Variants in MED27 observed in about 807,000 individuals in gnomAD.
The protein encoded by MED27 is mediator of RNA polymerase II transcription subunit 27.
A neutral mutation model predicts 38.2 loss-of-function variants in MED27; 30 were observed. The ratio of observed to expected loss-of-function variants is 0.79; its 90% CI spans 0.59 to 1.07. The LOEUF is 1.07. MED27 is among the 50% of genes least tolerant of loss of function. The pLI, the probability that MED27 is intolerant of heterozygous loss-of-function variation, is 0.00. For synonymous variants in MED27, 122 were observed against 153.5 expected (o/e 0.79, Z 1.52); for missense variants, 289 against 397.5 (o/e 0.73, Z 2.32).
At chr9:131,998,572 G>T (rs1307385107) in intron 3 of MED27, among the ~76,000 whole-genome samples, 2 of 152,168 alleles carry the variant, frequency 1.3e-5, no homozygotes, top group Non-Finnish European at 2.9e-5. Context: ...TTCCTTAGGG[G>T]TGACGGAAAT....
chr9:132,047,441 G>GACACACACAC lies in MED27; in HGVS notation c.348+29991_348+30000dup, dbSNP rs56144736. On this transcript the variant is annotated intron_variant, in intron 2 of 7. Coordinates refer to ENST00000292035, the MANE Select transcript of MED27 (RefSeq NM_004269.4). Reference sequence around the variant, plus strand: ...AAATGCTTCATTTCATAATGTTTTAGACACACACACACACACACACACACA... The same window carrying GACACACACAC: ...AAATGCTTCATTTCATAATGTTTTAGACACACACACACACACACACACACACACACACACA... Among the ~76,000 whole-genome samples, 1,258 of 145,248 alleles carry GACACACACAC rather than the reference G, an allele frequency of 8.7e-3. 10 individuals carry two copies. Among genetic ancestry groups the GACACACACAC allele is most frequent in the African/African-American group, 0.023 (913 of 39,218 alleles).
At position 131,872,354 on chromosome 9, in the gene MED27, G is replaced by A. The variant is rs1838851902; in HGVS notation, c.724-9214C>T. Reference sequence around the variant, plus strand: ...CACAGCCCCCGAGGCCAAGCTAGAAGAGCGGGCGCCTCTACTATTCGGAGT... The same window carrying A: ...CACAGCCCCCGAGGCCAAGCTAGAAAAGCGGGCGCCTCTACTATTCGGAGT... On this transcript the variant is annotated intron_variant, in intron 6 of 7. Transcript: ENST00000292035. The surrounding 1 kb of genome is among the most constrained non-coding windows in gnomAD (Gnocchi z 5.6). Among the ~76,000 whole-genome samples, 1 of 152,256 alleles carries A rather than the reference G, an allele frequency of 6.6e-6. No individual in the cohort carries two copies. Among genetic ancestry groups the A allele is most frequent in the Non-Finnish European group, 1.5e-5 (1 of 68,054 alleles).
At chr9:132,026,759 A>G (rs1832830399) in intron 2 of MED27, among the ~76,000 whole-genome samples, 1 of 152,228 alleles carries the variant, frequency 6.6e-6, no homozygotes, top group Admixed American at 6.5e-5. Flanking sequence ...TGTCCAGAAC[A>G]GTGCTTGGCC....
chr9:131,873,135 G>C (rs147361708), intron 6 of MED27, among the ~76,000 whole-genome samples: 156 of 152,328 alleles, frequency 1.0e-3, no homozygotes, highest in African/African-American at 3.6e-3. Context: ...AGACCCACCA[G>C]TAAGGAGAGG....
intron 2 of MED27, among the ~76,000 whole-genome samples, chr9:132,069,505 T>G (rs1833885926): frequency 6.6e-6 from 1 of 152,248 alleles, no homozygotes; most frequent in Non-Finnish European, 1.5e-5. Context: ...AAGAGGCGAA[T>G]GCTGTCTGCA....
At chr9:131,909,445 C>T (rs891242255) in intron 4 of MED27, among the ~76,000 whole-genome samples, 8 of 152,216 alleles carry the variant, frequency 5.3e-5, no homozygotes, top group Admixed American at 5.2e-4. Context: ...CTCAAGGGGG[C>T]TCTTCCCCAA....
At chr9:131,895,672 G>C (rs548819795) in intron 4 of MED27, among the ~76,000 whole-genome samples, 108 of 152,252 alleles carry the variant, frequency 7.1e-4, no homozygotes, top group Middle Eastern at 3.4e-3. Context: ...GCTAATAAAG[G>C]CATCCTATTT....
At chr9:131,909,121 G>A (rs559308200) in intron 4 of MED27, among the ~76,000 whole-genome samples, 69 of 152,204 alleles carry the variant, frequency 4.5e-4, no homozygotes, top group African/African-American at 1.5e-3. Context: ...GGGAAACTAC[G>A]TAAGGAAGCC....
At chr9:132,053,338 A>G (rs917322586) in intron 2 of MED27, among the ~76,000 whole-genome samples, 1 of 152,122 alleles carries the variant, frequency 6.6e-6, no homozygotes, top group Non-Finnish European at 1.5e-5. Context: ...TAAGGGAAAA[A>G]ATAATGGGGT....
chr9:131,884,149 AC>A, intron 5 of MED27, 50 bp from the exon 6 acceptor site: 1 of 1,467,748 alleles, frequency 6.8e-7, no homozygotes, highest in East Asian at 2.3e-5. Context: ...AGAATTCGGG[AC>A]TTCAAGAAAT....
intron 3 of MED27, among the ~76,000 whole-genome samples, chr9:131,979,997 T>G (rs541768404): frequency 6.6e-6 from 1 of 152,236 alleles, no homozygotes; most frequent in African/African-American, 2.4e-5. Context: ...AGCTCAAACC[T>G]TAACTGTTTC....
intron 2 of MED27, among the ~76,000 whole-genome samples, chr9:132,068,635 G>T (rs561794960): frequency 6.6e-6 from 1 of 152,130 alleles, no homozygotes; most frequent in Non-Finnish European, 1.5e-5. Context: ...AGGCAGAAGC[G>T]ACGGATGACA....
rs748687643 is a variant in MED27 at position 132,014,329 on chromosome 9, T to C, written c.479+8A>G. The C allele has an allele frequency of 7.5e-6, 12 of 1,608,492 alleles. No homozygotes were observed. The African/African-American group carries it at 1.2e-4, about 16-fold the overall frequency. On this transcript the variant is annotated splice_region_variant and intron_variant, in intron 3 of 7. Coordinates refer to ENST00000292035, the MANE Select transcript of MED27 (RefSeq NM_004269.4). ...GTACTAAAGTAATTTTTCAAATCCA[T>C]CACTCACTGAGGTGGTAGGACAAGA...
chr9:131,869,107 A>G, intron 6 of MED27: 2 of 985,436 alleles, frequency 2.0e-6, no homozygotes, highest in Non-Finnish European at 2.4e-6. Flanking sequence ...GCGCTGATGC[A>G]ATCACTTGAT....
At chr9:131,898,508 G>A (rs188836095) in intron 4 of MED27, among the ~76,000 whole-genome samples, 21 of 151,932 alleles carry the variant, frequency 1.4e-4, no homozygotes, top group African/African-American at 2.2e-4. Context: ...GAGCCACCGC[G>A]CCCAGCCAAT....
intron 3 of MED27, among the ~76,000 whole-genome samples, chr9:131,987,878 C>G (rs1272303001): frequency 4.6e-5 from 7 of 152,200 alleles, no homozygotes; most frequent in Non-Finnish European, 1.0e-4. Context: ...GCCCCCGGTT[C>G]CTCTCTTAGT....
chr9:131,994,199 T>C (rs1375262324), intron 3 of MED27, among the ~76,000 whole-genome samples: 1 of 152,224 alleles, frequency 6.6e-6, no homozygotes, highest in Non-Finnish European at 1.5e-5. Context: ...AGCCTTGTTA[T>C]ACATTGTTTT....
chr9:131,892,017 G>A (rs1353264374), intron 5 of MED27, among the ~76,000 whole-genome samples: 1 of 152,144 alleles, frequency 6.6e-6, no homozygotes, highest in East Asian at 1.9e-4. Flanking sequence ...CTGAGTGTAG[G>A]GAGAGAGATG....
chr9:131,967,513 TG>T, intron 3 of MED27, among the ~76,000 whole-genome samples: 1 of 151,710 alleles, frequency 6.6e-6, no homozygotes, highest in South Asian at 2.1e-4. Context: ...AGTTTTGAGA[TG>T]GAGTTTCGCT....
Sources: gnomAD v4.1 joint callset for allele counts (sites outside exome capture counted in the v4.1 genomes callset) on GRCh38, gnomAD v4.1.1 for gene constraint, Gnocchi (gnomAD v3.1) non-coding constraint, MANE v1.5 for transcripts, NCBI Gene and HGNC (gene_info 2026-07-23, HGNC 2026-07-21) for gene names.